Variants in RNF11 observed in about 807,000 individuals in gnomAD.
RNF11 encodes ring finger protein 11.
RNF11 carries 4 observed loss-of-function variants against 15.8 expected under a neutral mutation model. The observed-to-expected ratio is 0.25, with a 90% CI of 0.12 to 0.58. RNF11 has a LOEUF of 0.58. RNF11 is among the 20% of genes least tolerant of loss of function. The pLI, the probability that RNF11 is intolerant of heterozygous loss-of-function variation, is 0.91. For synonymous variants in RNF11, 68 were observed against 72.3 expected (o/e 0.94, Z 0.30); for missense variants, 139 against 194.4 (o/e 0.71, Z 1.70).
At chr1:51,268,488 C>T (rs1456395664) in intron 1 of RNF11, among the ~76,000 whole-genome samples, 3 of 152,160 alleles carry the variant, frequency 2.0e-5, no homozygotes, top group Non-Finnish European at 4.4e-5. Context: ...TAAAGTAGAA[C>T]TTTCCTTTTC....
intron 1 of RNF11, among the ~76,000 whole-genome samples, chr1:51,257,568 GCCT>G (rs1646909432): frequency 6.6e-6 from 1 of 151,990 alleles, no homozygotes; most frequent in Non-Finnish European, 1.5e-5. Flanking sequence ...CTATTCTTGT[GCCT>G]CAGCCTCTCT....
At chr1:51,270,274 A>G (rs958574021) in intron 2 of RNF11, 149 bp downstream of exon 2, 7 of 634,336 alleles carry the variant, frequency 1.1e-5, no homozygotes, top group South Asian at 1.1e-4. Context: ...TTTTTTTCAT[A>G]GCTCTATTAC....
At chr1:51,237,052 C>T (rs1646807010) in intron 1 of RNF11, among the ~76,000 whole-genome samples, 173 bp downstream of exon 1, 1 of 152,160 alleles carries the variant, frequency 6.6e-6, no homozygotes, top group Non-Finnish European at 1.5e-5. Context: ...AAGGTTGATT[C>T]TTCGCCTGCC....
chr1:51,248,229 A>G (rs1646861637), intron 1 of RNF11, among the ~76,000 whole-genome samples: 1 of 142,728 alleles, frequency 7.0e-6, no homozygotes, highest in Non-Finnish European at 1.5e-5. Flanking sequence ...TGGCTTTGAG[A>G]TGGAGTCTTG....
chr1:51,261,627 C>T (rs1272393934), intron 1 of RNF11, among the ~76,000 whole-genome samples: 1 of 152,134 alleles, frequency 6.6e-6, no homozygotes, highest in African/African-American at 2.4e-5. Context: ...GCAACCTCCA[C>T]CTCCCAGGTT....
chr1:51,263,228 C>T (rs1646938792), intron 1 of RNF11, among the ~76,000 whole-genome samples: 1 of 152,180 alleles, frequency 6.6e-6, no homozygotes, highest in Non-Finnish European at 1.5e-5. Context: ...ATTTTCATAA[C>T]ACTGTTATTC....
chr1:51,270,109 G>GA lies in RNF11; in HGVS notation c.284dup (p.Ile96AspfsTer33). 1.3e-6 allele frequency: 2 copies of GA among 1,590,712 alleles called. No homozygotes were observed. Among genetic ancestry groups the GA allele is most frequent in the Non-Finnish European group, 1.7e-6 (2 of 1,173,418 alleles). On this transcript the variant is annotated frameshift_variant, in exon 2 of 3. Coordinates refer to ENST00000242719, the MANE Select transcript of RNF11 (RefSeq NM_014372.5). LOFTEE classifies it high-confidence loss of function. ...TTATGACCCTGGAAGAGATGGATCA[G>GA]AAAAAAAGATCCGGGAGTAAGTTTT...
Position 51,271,271 on chromosome 1 carries a change from C to T in RNF11, c.414C>T (p.Ser138=), listed in dbSNP as rs1220927223. 1 of 1,614,024 alleles carries T rather than the reference C, an allele frequency of 6.2e-7. No individual in the cohort carries two copies. The highest frequency in any genetic ancestry group is 8.5e-7 in the Non-Finnish European group (1 of 1,179,996). The change falls in exon 3 of 3, where the codon TCC becomes TCT. Residue 138 remains serine (S), a synonymous_variant. Transcript: ENST00000242719. ...TGATGAGATCCTTCACGTGCCCCTC[C>T]TGCATGGAGCCAGTTGATGCAGCAC... The part of the protein sequence containing the change: ...DWLMRSFTCP[S]CMEPVDAALL...
intron 1 of RNF11, among the ~76,000 whole-genome samples, chr1:51,254,685 A>G (rs1380562952): frequency 6.6e-6 from 1 of 151,982 alleles, no homozygotes; most frequent in Non-Finnish European, 1.5e-5. Context: ...CAGGTCTCGA[A>G]CTCCCAGACT....
chr1:51,269,613 C>A (rs1482585778), intron 1 of RNF11, among the ~76,000 whole-genome samples: 1 of 152,110 alleles, frequency 6.6e-6, no homozygotes. Flanking sequence ...TTGCCATAGT[C>A]CAGTCCATTT....
At chr1:51,259,259 T>C (rs72898414) in intron 1 of RNF11, among the ~76,000 whole-genome samples, 2,451 of 152,272 alleles carry the variant, frequency 0.016, 63 homozygotes, top group African/African-American at 0.057. Flanking sequence ...AAGAATTGTC[T>C]TACTAAAATG....
At chr1:51,244,530 G>A (rs1325156756) in intron 1 of RNF11, among the ~76,000 whole-genome samples, 3 of 152,124 alleles carry the variant, frequency 2.0e-5, no homozygotes, top group South Asian at 4.1e-4. Flanking sequence ...GGGACTACAG[G>A]TGCCCGCCAC....
At chr1:51,259,370 T>G (rs959553886) in intron 1 of RNF11, among the ~76,000 whole-genome samples, 1 of 152,192 alleles carries the variant, frequency 6.6e-6, no homozygotes, top group African/African-American at 2.4e-5. Flanking sequence ...AACTGAAAAG[T>G]GGAGGTTATT....
At chr1:51,247,977 C>A (rs1350669018) in intron 1 of RNF11, among the ~76,000 whole-genome samples, 1 of 151,584 alleles carries the variant, frequency 6.6e-6, no homozygotes, top group African/African-American at 2.4e-5. Context: ...GTTAAAGTTA[C>A]ATGTAATTTT....
At chr1:51,259,523 C>G (rs1215008380) in intron 1 of RNF11, among the ~76,000 whole-genome samples, 1 of 152,202 alleles carries the variant, frequency 6.6e-6, no homozygotes, top group Non-Finnish European at 1.5e-5. Flanking sequence ...TCTCATCCAT[C>G]CTGATTTTCC....
chr1:51,239,769 TTAAC>T (rs1199130937), intron 1 of RNF11, among the ~76,000 whole-genome samples: 11 of 152,206 alleles, frequency 7.2e-5, no homozygotes, highest in Non-Finnish European at 1.6e-4. Flanking sequence ...TTATATGTAA[TTAAC>T]AGTGAATAGC....
intron 1 of RNF11, among the ~76,000 whole-genome samples, chr1:51,254,022 C>T (rs1405703821): frequency 6.6e-6 from 1 of 150,950 alleles, no homozygotes; most frequent in Non-Finnish European, 1.5e-5. Context: ...GATTTTAAAG[C>T]TCTACACGAT....
At chr1:51,268,744 A>G (rs534998864) in intron 1 of RNF11, among the ~76,000 whole-genome samples, 1 of 152,318 alleles carries the variant, frequency 6.6e-6, no homozygotes, top group Admixed American at 6.5e-5. Flanking sequence ...TCAGGAAGGT[A>G]ATTTAGACTG....
intron 1 of RNF11, among the ~76,000 whole-genome samples, chr1:51,256,314 C>T (rs900713880): frequency 1.3e-5 from 2 of 152,202 alleles, no homozygotes; most frequent in Non-Finnish European, 2.9e-5. Context: ...TGGAATCATA[C>T]AGTATGTAGC....
Sources: gnomAD v4.1 joint callset for allele counts (sites outside exome capture counted in the v4.1 genomes callset) on GRCh38, gnomAD v4.1.1 for gene constraint, MANE v1.5 for transcripts, NCBI Gene and HGNC (gene_info 2026-07-23, HGNC 2026-07-21) for gene names.